Variants in AMMECR1 observed in about 807,000 individuals in gnomAD.
AMMECR1 encodes the protein AMMECR nuclear protein 1, also known as nuclear protein AMMECR1.
AMMECR1 carries 3 observed loss-of-function variants against 22.5 expected under a neutral mutation model. The ratio of observed to expected loss-of-function variants is 0.13; its 90% CI spans 0.06 to 0.35. The LOEUF (loss-of-function observed/expected upper bound fraction) is 0.35, where lower values mean the gene tolerates loss of function less well. AMMECR1 is among the 10% of genes least tolerant of loss of function. The pLI, the probability that AMMECR1 is intolerant of heterozygous loss-of-function variation, is 1.00. For synonymous variants in AMMECR1, 130 were observed against 116.7 expected (o/e 1.11, Z -0.74); for missense variants, 235 against 278.7 (o/e 0.84, Z 1.12).
chrX:110,365,915 T>C (rs1450234130), intron 2 of AMMECR1, among the ~76,000 whole-genome samples: 1 of 112,124 alleles, frequency 8.9e-6, no homozygotes, highest in African/African-American at 3.2e-5. Context: ...TCTTGAATTA[T>C]TGAAAATATA....
At chrX:110,250,394 A>G (rs2067681048) in intron 2 of AMMECR1, among the ~76,000 whole-genome samples, 1 of 111,733 alleles carries the variant, frequency 8.9e-6, no homozygotes, top group South Asian at 3.8e-4. Context: ...AGTCTAAGGT[A>G]GACTGTGAGA....
At chrX:110,436,604 G>C (rs901893952) in intron 1 of AMMECR1, among the ~76,000 whole-genome samples, 1 of 112,009 alleles carries the variant, frequency 8.9e-6, no homozygotes, top group Non-Finnish European at 1.9e-5. Flanking sequence ...GGAATGCAGA[G>C]AACATGCTGA....
intron 2 of AMMECR1, among the ~76,000 whole-genome samples, chrX:110,350,974 AAAAAGAAAAG>A (rs959469330): frequency 8.9e-6 from 1 of 111,791 alleles, no homozygotes; most frequent in Non-Finnish European, 1.9e-5. Flanking sequence ...CCCTGTCTCA[AAAAAGAAAAG>A]AAAAGAAAAG....
chrX:110,293,854 C>G (rs1182335562), intron 1 of AMMECR1, among the ~76,000 whole-genome samples: 2 of 111,504 alleles, frequency 1.8e-5, no homozygotes, highest in African/African-American at 6.5e-5. Flanking sequence ...AATCTCCCAT[C>G]TACAGTCATC....
intron 2 of AMMECR1, chrX:110,219,636 T>C (rs1420948180): frequency 1.4e-6 from 1 of 738,017 alleles, no homozygotes; most frequent in Non-Finnish European, 1.6e-6. Flanking sequence ...GAAGAATGTT[T>C]AGAACAAGGA....
At chrX:110,377,711 G>T (rs1446849569) in intron 2 of AMMECR1, among the ~76,000 whole-genome samples, 2 of 111,289 alleles carry the variant, frequency 1.8e-5, no homozygotes, top group Non-Finnish European at 3.8e-5. Flanking sequence ...ACACATTTTT[G>T]ATTTGTACAG....
At chrX:110,245,377 C>G (rs938630094) in intron 2 of AMMECR1, among the ~76,000 whole-genome samples, 1 of 111,790 alleles carries the variant, frequency 8.9e-6, no homozygotes, top group Non-Finnish European at 1.9e-5. Context: ...GGACTTTTCT[C>G]CCTACTGCAA....
intron 1 of AMMECR1, among the ~76,000 whole-genome samples, chrX:110,435,470 A>G (rs1257070310): frequency 8.9e-6 from 1 of 112,094 alleles, no homozygotes; most frequent in Non-Finnish European, 1.9e-5. Flanking sequence ...CTGGTCTCCT[A>G]GGAGTCCTAA....
At chrX:110,386,076 A>T (rs895782399) in intron 2 of AMMECR1, among the ~76,000 whole-genome samples, 17 of 111,805 alleles carry the variant, frequency 1.5e-4, no homozygotes, top group African/African-American at 5.5e-4. Flanking sequence ...AGTATGAATA[A>T]CACTGCTATC....
At chrX:110,427,002 T>C (rs1194858958) in intron 1 of AMMECR1, among the ~76,000 whole-genome samples, 1 of 111,739 alleles carries the variant, frequency 8.9e-6, no homozygotes, top group East Asian at 2.8e-4. Flanking sequence ...AACCCAAGAG[T>C]TGTAGTTCAC....
At chrX:110,369,061 G>A (rs762076240) in intron 2 of AMMECR1, among the ~76,000 whole-genome samples, 9 of 111,946 alleles carry the variant, frequency 8.0e-5, no homozygotes, top group Non-Finnish European at 1.3e-4. Flanking sequence ...GGCTGTGTGC[G>A]GTGGCTCACG....
At chrX:110,397,208 T>C (rs918432526) in intron 2 of AMMECR1, among the ~76,000 whole-genome samples, 1 of 111,230 alleles carries the variant, frequency 9.0e-6, no homozygotes, top group South Asian at 3.8e-4. Flanking sequence ...TTGATCTCCA[T>C]GTCTAATTCT....
chrX:110,282,909 C>T (rs1351644454), intron 1 of AMMECR1, among the ~76,000 whole-genome samples: 3 of 111,765 alleles, frequency 2.7e-5, no homozygotes, highest in Non-Finnish European at 5.6e-5. Context: ...TTGCCCAAGA[C>T]ACTGTTAATA....
rs1602770361 is a variant in AMMECR1, at chrX:110,197,784, G to A, written c.*736C>T. The A allele has an allele frequency of 1.8e-5, 2 of 111,529 alleles. No individual in the cohort carries two copies. Among genetic ancestry groups the A allele is most frequent in the African/African-American group, 6.5e-5 (2 of 30,547 alleles). The allele number at this position is 111,529 out of a possible 1,213,427, so 9.2% of individuals were successfully genotyped here. A position where few individuals can be genotyped will look rare whatever the true frequency, so the allele number is the denominator to read the frequency against. ...GCAAATTGGTTCTATAAAGTGGTGA[G>A]GCAGTCTCTTCTATGATAACCAGCA... On this transcript the variant is annotated 3_prime_UTR_variant, in exon 6 of 6. Coordinates refer to ENST00000262844, the MANE Select transcript of AMMECR1 (RefSeq NM_015365.3).
At chrX:110,203,426 C>A (rs1360562225) in intron 3 of AMMECR1, among the ~76,000 whole-genome samples, 3 of 111,471 alleles carry the variant, frequency 2.7e-5, no homozygotes, top group Admixed American at 9.5e-5. Context: ...CCCCTCATAT[C>A]TCACATAGAA....
At chrX:110,227,044 G>A (rs1481563545) in intron 2 of AMMECR1, among the ~76,000 whole-genome samples, 3 of 111,767 alleles carry the variant, frequency 2.7e-5, no homozygotes, top group African/African-American at 9.8e-5. Context: ...TCTGCTGGAA[G>A]TCATAATAGG....
Position 110,372,325 on chromosome X carries a change from TA to T in AMMECR1, c.-148+54332del, listed in dbSNP as rs1476234835. Reference sequence around the variant, plus strand: ...AAAGAAATGCCTACACATTATTTTTTAAAAATTAAAATGAAAAGAAAAAAGT... The same window carrying T: ...AAAGAAATGCCTACACATTATTTTTTAAAATTAAAATGAAAAGAAAAAAGT... On this transcript the variant is annotated intron_variant, in intron 2 of 7. Coordinates refer to the AMMECR1 transcript ENST00000372057. Among the ~76,000 whole-genome samples the T allele has an allele frequency of 2.7e-5, 3 of 112,743 alleles. No homozygotes were observed. In the East Asian group the frequency reaches 8.3e-4, roughly 31 times the overall value.
rs771995443 is a variant in AMMECR1, at chrX:110,324,648, G to GT, written c.-147-6800dup. On this transcript the variant is annotated intron_variant, in intron 2 of 7. Transcript: ENST00000372057. Reference sequence around the variant, plus strand: ...CCCTTCTACTGGTAGTTTGTTGAGTGTTTTTTTTTTTTTTTAATTTATCAT... The same window carrying GT: ...CCCTTCTACTGGTAGTTTGTTGAGTGTTTTTTTTTTTTTTTTAATTTATCAT... Among the ~76,000 whole-genome samples the GT allele has an allele frequency of 8.4e-3, 713 of 84,424 alleles. 3 individuals carry two copies. Among genetic ancestry groups the GT allele is most frequent in the African/African-American group, 0.018 (427 of 23,265 alleles). 73.3% of individuals were successfully genotyped at this position (84,424 alleles called of 115,157 possible).
intron 1 of AMMECR1, among the ~76,000 whole-genome samples, chrX:110,272,170 C>T (rs1269225466): frequency 2.7e-5 from 3 of 110,197 alleles, no homozygotes; most frequent in African/African-American, 9.9e-5. Flanking sequence ...GAGCCAAGAT[C>T]GGGCCACTGC....
Sources: gnomAD v4.1 joint callset for allele counts (sites outside exome capture counted in the v4.1 genomes callset) on GRCh38, gnomAD v4.1.1 for gene constraint, MANE v1.5 for transcripts, NCBI Gene and HGNC (gene_info 2026-07-23, HGNC 2026-07-21) for gene names.